Variants in HYDIN observed in about 807,000 individuals in gnomAD.
HYDIN encodes axonemal central pair apparatus protein HYDIN.
A neutral mutation model predicts 403.9 loss-of-function variants in HYDIN; 132 were observed. That is an observed-to-expected ratio of 0.33 (90% CI 0.28 to 0.38). The LOEUF (loss-of-function observed/expected upper bound fraction) is 0.38, where lower values mean the gene tolerates loss of function less well. Ranked by LOEUF, HYDIN falls within the 10% of genes least tolerant of loss-of-function variation. The pLI is 1.00. For missense variants in HYDIN, 2,827 were observed against 5,009.5 expected (o/e 0.56, Z 13.15); for synonymous variants, 1,202 against 1,891.7 (o/e 0.64, Z 9.46).
At chr16:70,853,522 C>T (rs1305146514) in intron 73 of HYDIN, among the ~76,000 whole-genome samples, 3 of 148,340 alleles carry the variant, frequency 2.0e-5, no homozygotes, top group African/African-American at 5.2e-5. Flanking sequence ...GAATGGTAGC[C>T]AGTCATAAAA....
intron 41 of HYDIN, among the ~76,000 whole-genome samples, chr16:70,950,807 A>G (rs1368907088): frequency 1.3e-5 from 2 of 151,630 alleles, no homozygotes; most frequent in Non-Finnish European, 2.9e-5. Context: ...TTCCTTCTCT[A>G]CTGAGGCTGG....
chr16:71,203,730 T>A, intron 1 of HYDIN: 1 of 456,050 alleles, frequency 2.2e-6, no homozygotes, highest in East Asian at 6.9e-5. Flanking sequence ...CATACCAATG[T>A]CTTTGCAGAG....
At chr16:71,214,110 C>T (rs1419459145) in intron 1 of HYDIN, among the ~76,000 whole-genome samples, 1 of 151,872 alleles carries the variant, frequency 6.6e-6, no homozygotes, top group Non-Finnish European at 1.5e-5. Flanking sequence ...CCTAAAATTG[C>T]ATTTCTATAT....
intron 23 of HYDIN, among the ~76,000 whole-genome samples, chr16:71,011,761 G>A (rs1436299207): frequency 8.6e-5 from 13 of 151,552 alleles, no homozygotes; most frequent in Admixed American, 7.9e-4. Context: ...CAGAAATTGA[G>A]GAATGATGAA....
chr16:70,892,340 C>G (rs376220342), intron 56 of HYDIN, 21 bp downstream of exon 56: 12 of 1,563,812 alleles, frequency 7.7e-6, no homozygotes, highest in Non-Finnish European at 1.0e-5. Flanking sequence ...GAGGCAGCCC[C>G]TCCCTTTGGA....
intron 1 of HYDIN, among the ~76,000 whole-genome samples, chr16:71,224,335 T>C (rs1215823166): frequency 6.6e-6 from 1 of 152,132 alleles, no homozygotes; most frequent in Non-Finnish European, 1.5e-5. Context: ...ATATTGGGCA[T>C]AGTGTACACT....
intron 68 of HYDIN, 49 bp downstream of exon 68, chr16:70,863,036 A>G (rs1223037214): frequency 6.4e-7 from 1 of 1,553,572 alleles, no homozygotes; most frequent in African/African-American, 1.4e-5. Flanking sequence ...AGGCTCTTCT[A>G]ATTGGTGACT....
intron 52 of HYDIN, among the ~76,000 whole-genome samples, chr16:70,902,749 T>A (rs1453925284): frequency 2.7e-5 from 4 of 145,488 alleles, no homozygotes; most frequent in African/African-American, 5.4e-5. Context: ...GAACTATAAG[T>A]TTTTGCTTTT....
At chr16:71,025,258 G>C (rs200482055) in intron 21 of HYDIN, 125 bp downstream of exon 21, 2,125 of 158,186 alleles carry the variant, frequency 0.013, 41 homozygotes, top group South Asian at 0.092. Context: ...GGCCTCTGAA[G>C]CTTAAAAAAC....
chr16:70,875,245 G>A (rs1011175276), intron 62 of HYDIN, among the ~76,000 whole-genome samples: 11 of 150,310 alleles, frequency 7.3e-5, no homozygotes, highest in Non-Finnish European at 5.9e-5. Flanking sequence ...TAAAATATAC[G>A]CTAGGCCAAT....
chr16:71,120,711 C>T (rs1315395136), intron 9 of HYDIN, among the ~76,000 whole-genome samples: 2 of 151,964 alleles, frequency 1.3e-5, no homozygotes, highest in East Asian at 1.9e-4. Flanking sequence ...TCCCTTCCTT[C>T]CTTCCTTGAA....
At chr16:71,185,257 A>AG (rs1279042502) in intron 2 of HYDIN, among the ~76,000 whole-genome samples, 1 of 152,168 alleles carries the variant, frequency 6.6e-6, no homozygotes, top group Non-Finnish European at 1.5e-5. Context: ...AGAACCTGAG[A>AG]GAAAAAAGTC....
In HYDIN at chr16:71,067,378, A is replaced by G. The variant is rs2082309793; in HGVS notation, c.1987T>C (p.Ser663Pro). 1 of 1,607,942 alleles carries G rather than the reference A, an allele frequency of 6.2e-7. No homozygotes were observed. The highest frequency in any genetic ancestry group is 2.2e-5 in the East Asian group (1 of 44,766). Residue 663 changes from serine (S) to proline (P), a missense_variant, in exon 15 of 86, where the codon TCC (serine) becomes CCC (proline). Transcript: ENST00000393567. ...GFAAIRVTLC[S>P]NTVQKYELAL... ...AGCTCGTATTTCTGCACAGTGTTGGAGCATAATGTCACCTGGAAAGAAAAA... is the reference window on the plus strand; with the variant it reads ...AGCTCGTATTTCTGCACAGTGTTGGGGCATAATGTCACCTGGAAAGAAAAA...
At chr16:71,077,502 T>C (rs1210456714) in intron 13 of HYDIN, among the ~76,000 whole-genome samples, 3 of 152,188 alleles carry the variant, frequency 2.0e-5, no homozygotes, top group African/African-American at 7.2e-5. Flanking sequence ...TGTCAGTTAA[T>C]TACCACAGTT....
At chr16:71,039,668 C>T (rs558515854) in intron 18 of HYDIN, among the ~76,000 whole-genome samples, 6 of 152,256 alleles carry the variant, frequency 3.9e-5, no homozygotes, top group South Asian at 4.2e-4. Flanking sequence ...TGCAGATGGC[C>T]GGACTTCAGG....
intron 13 of HYDIN, among the ~76,000 whole-genome samples, chr16:71,075,587 G>T (rs1406777089): frequency 6.6e-6 from 1 of 151,860 alleles, no homozygotes; most frequent in Non-Finnish European, 1.5e-5. Flanking sequence ...TGACACACAG[G>T]TTATTCTTTA....
At chr16:71,141,736 A>AC (rs1248872962) in intron 7 of HYDIN, among the ~76,000 whole-genome samples, 1 of 152,142 alleles carries the variant, frequency 6.6e-6, no homozygotes, top group Non-Finnish European at 1.5e-5. Flanking sequence ...AATTGCCACA[A>AC]CTTGACAAGC....
At position 70,807,309 on chromosome 16, in the gene HYDIN, G is replaced by C; in HGVS notation, c.*271C>G. On this transcript the variant is annotated 3_prime_UTR_variant, in exon 86 of 86. Transcript: ENST00000393567. ...AAATGGGAATTATTACAAAGTACTT[G>C]AGCTTTGGGGCTATGTCAAGAAACT... The C allele has an allele frequency of 2.5e-6, 1 of 403,696 alleles. No individual in the cohort carries two copies. The highest frequency in any genetic ancestry group is 4.1e-5 in the South Asian group (1 of 24,108). The allele number at this position is 403,696 out of a possible 1,614,324, so 25.0% of individuals were successfully genotyped here.
intron 47 of HYDIN, among the ~76,000 whole-genome samples, chr16:70,912,084 T>C (rs2076711711): frequency 6.6e-6 from 1 of 151,408 alleles, no homozygotes; most frequent in Admixed American, 6.6e-5. Context: ...TCTTTGCTGA[T>C]TTGGATACCC....
Sources: gnomAD v4.1 joint callset for allele counts (sites outside exome capture counted in the v4.1 genomes callset) on GRCh38, gnomAD v4.1.1 for gene constraint, MANE v1.5 for transcripts, NCBI Gene and HGNC (gene_info 2026-07-23, HGNC 2026-07-21) for gene names.